Variants in CPQ observed in about 807,000 individuals in gnomAD.
CPQ encodes the protein Ser-Met dipeptidase.
In CPQ, 37 loss-of-function variants were observed where a neutral mutation model predicts 45.7. The observed-to-expected ratio is 0.81, with a 90% CI of 0.62 to 1.07. The LOEUF (loss-of-function observed/expected upper bound fraction) is 1.07, where lower values mean the gene tolerates loss of function less well. CPQ is among the 50% of genes least tolerant of loss of function. The probability of loss-of-function intolerance (pLI) is 0.00; values close to 1 mark genes in which losing one functional copy is unlikely to be tolerated. For synonymous variants in CPQ, 186 were observed against 205.8 expected (o/e 0.90, Z 0.82); for missense variants, 537 against 572.9 (o/e 0.94, Z 0.64).
intron 1 of CPQ, among the ~76,000 whole-genome samples, chr8:96,771,806 C>A (rs927551707): frequency 6.6e-6 from 1 of 152,094 alleles, no homozygotes; most frequent in Admixed American, 6.6e-5. Context: ...GTGCTAGAGC[C>A]TTTCAAAACT....
intron 4 of CPQ, among the ~76,000 whole-genome samples, chr8:96,965,463 G>A (rs57840729): frequency 7.0e-6 from 1 of 143,566 alleles, no homozygotes; most frequent in Non-Finnish European, 1.5e-5. Flanking sequence ...TCCACCTCCC[G>A]AGTTCACACC....
chr8:97,137,717 C>G (rs1035294402), intron 7 of CPQ, among the ~76,000 whole-genome samples: 1 of 152,188 alleles, frequency 6.6e-6, no homozygotes, highest in African/African-American at 2.4e-5. Flanking sequence ...ATCATGAGGT[C>G]AGGAAATCGA....
intron 1 of CPQ, among the ~76,000 whole-genome samples, chr8:96,672,065 C>T (rs1280491844): frequency 6.8e-6 from 1 of 147,970 alleles, no homozygotes; most frequent in Non-Finnish European, 1.5e-5. Flanking sequence ...TGTGCAATGT[C>T]CAACACCAGC....
intron 7 of CPQ, among the ~76,000 whole-genome samples, chr8:97,116,620 T>C (rs1811598781): frequency 6.6e-6 from 1 of 152,138 alleles, no homozygotes. Flanking sequence ...GTATTTTCTT[T>C]TAACTTTCTG....
At chr8:96,859,375 A>G (rs1811898893) in intron 3 of CPQ, among the ~76,000 whole-genome samples, 1 of 151,832 alleles carries the variant, frequency 6.6e-6, no homozygotes, top group African/African-American at 2.4e-5. Context: ...AGGGAGACCA[A>G]CTCTGTGTTC....
chr8:97,122,951 TAAA>T (rs1354851835), intron 7 of CPQ, among the ~76,000 whole-genome samples: 2 of 60,864 alleles, frequency 3.3e-5, no homozygotes, highest in African/African-American at 2.1e-4. Flanking sequence ...TAAAATAAAA[TAAA>T]ATAAAATAAA....
intron 7 of CPQ, among the ~76,000 whole-genome samples, chr8:97,125,774 A>G (rs1811836642): frequency 6.6e-6 from 1 of 152,228 alleles, no homozygotes; most frequent in African/African-American, 2.4e-5. Context: ...TAATTATGAA[A>G]GAGTGAATGC....
intron 2 of CPQ, among the ~76,000 whole-genome samples, chr8:96,829,045 G>A (rs1811412779): frequency 6.6e-6 from 1 of 152,052 alleles, no homozygotes; most frequent in Admixed American, 6.6e-5. Flanking sequence ...TAATGGGCCT[G>A]TGATAGGCAC....
intron 3 of CPQ, among the ~76,000 whole-genome samples, chr8:96,856,712 G>A (rs1811856809): frequency 1.3e-5 from 2 of 152,186 alleles, no homozygotes; most frequent in South Asian, 4.1e-4. Context: ...CTGCATTCTG[G>A]CAGAGGAGAT....
At chr8:96,847,893 CTT>C (rs3036452) in intron 3 of CPQ, among the ~76,000 whole-genome samples, 24,389 of 65,890 alleles carry the variant, frequency 0.37, 1,960 homozygotes, top group Non-Finnish European at 0.42. Flanking sequence ...ATGAAAAGAG[CTT>C]TTTTTTTTTT....
chr8:96,907,915 A>G (rs1586446794), intron 4 of CPQ, among the ~76,000 whole-genome samples: 4 of 152,184 alleles, frequency 2.6e-5, no homozygotes, highest in African/African-American at 9.7e-5. Context: ...TGGTTGTGAC[A>G]TAATGAATCT....
chr8:96,772,465 A>G (rs2130799230), intron 1 of CPQ, among the ~76,000 whole-genome samples: 1 of 152,192 alleles, frequency 6.6e-6, no homozygotes, highest in Non-Finnish European at 1.5e-5. Flanking sequence ...GGATGTCCAA[A>G]CTGAGAGAGC....
At chr8:97,086,792 C>T (rs1210504095) in intron 7 of CPQ, among the ~76,000 whole-genome samples, 1 of 152,116 alleles carries the variant, frequency 6.6e-6, no homozygotes, top group Non-Finnish European at 1.5e-5. Flanking sequence ...TGTCATCTTA[C>T]GTTAAGTAAG....
chr8:96,747,090 A>C (rs1439044442), intron 1 of CPQ, among the ~76,000 whole-genome samples: 1 of 152,116 alleles, frequency 6.6e-6, no homozygotes, highest in African/African-American at 2.4e-5. Context: ...TGGGAGTTCG[A>C]GACCAGCCTG....
At chr8:96,895,183 T>C (rs1159326949) in intron 4 of CPQ, among the ~76,000 whole-genome samples, 1 of 152,212 alleles carries the variant, frequency 6.6e-6, no homozygotes, top group African/African-American at 2.4e-5. Context: ...GCTTAGTTTT[T>C]TTCTAAGCAT....
intron 1 of CPQ, among the ~76,000 whole-genome samples, chr8:96,664,390 G>A (rs965271780): frequency 2.0e-5 from 3 of 152,192 alleles, no homozygotes; most frequent in Non-Finnish European, 4.4e-5. Context: ...CTTCAGTTAC[G>A]TAGAAGAGGA....
chr8:96,982,062 T>C (rs1813909390), intron 5 of CPQ, among the ~76,000 whole-genome samples: 1 of 152,164 alleles, frequency 6.6e-6, no homozygotes, highest in Admixed American at 6.5e-5. Flanking sequence ...AAGAAAACTG[T>C]AGTGGCAGTG....
intron 5 of CPQ, among the ~76,000 whole-genome samples, chr8:96,997,975 G>A (rs1809204939): frequency 6.6e-6 from 1 of 151,864 alleles, no homozygotes; most frequent in South Asian, 2.1e-4. Context: ...TCTAACTCAA[G>A]AAAAATAAAA....
chr8:96,771,495 C>T lies in CPQ; in HGVS notation c.-34-13369C>T, dbSNP rs550644811. Reference sequence around the variant, plus strand: ...GTCTCTTCCTTTCTTTCTGTATTGCCCTCCTATCCCCCATCATGTGAAAAA... The same window carrying T: ...GTCTCTTCCTTTCTTTCTGTATTGCTCTCCTATCCCCCATCATGTGAAAAA... On this transcript the variant is annotated intron_variant, in intron 1 of 7. Transcript: ENST00000220763. 1.8e-4 allele frequency among the ~76,000 whole-genome samples: 27 copies of T among 152,018 alleles called. No homozygotes were observed. In the South Asian group the frequency reaches 5.0e-3, roughly 28 times the overall value.
Sources: allele counts gnomAD v4.1 joint callset (sites outside exome capture counted in the v4.1 genomes callset), GRCh38; gene constraint gnomAD v4.1.1; transcripts MANE v1.5; gene names NCBI Gene and HGNC (gene_info 2026-07-23, HGNC 2026-07-21).